Variants in RBFOX3 observed in about 807,000 individuals in gnomAD.
RBFOX3 encodes the protein RNA binding fox-1 homolog 3, also known as RNA binding protein fox-1 homolog 3.
RBFOX3 carries 17 observed loss-of-function variants against 48.7 expected under a neutral mutation model. That is an observed-to-expected ratio of 0.35 (90% confidence interval 0.24 to 0.52). The LOEUF (loss-of-function observed/expected upper bound fraction) is 0.52, where lower values mean the gene tolerates loss of function less well. RBFOX3 is among the 20% of genes least tolerant of loss of function. The pLI is 0.94. For missense variants in RBFOX3, 382 were observed against 497.5 expected, an observed-to-expected ratio of 0.77 and a Z score of 2.21; for synonymous variants, 212 against 209.5, an observed-to-expected ratio of 1.01 and a Z score of -0.10.
Position 79,095,529 on chromosome 17 carries a change from C to T in RBFOX3, c.982G>A (p.Ala328Thr), listed in dbSNP as rs1247421751. The change falls in exon 13 of 15, where the codon GCA becomes ACA. Residue 328 changes from alanine (A) to threonine (T), a missense_variant. By Grantham distance (58) the Ala-to-Thr change is moderately conservative. Transcript: ENST00000693108. The part of the protein sequence containing the change: ...YRYAQPAAAA[A>T]AYSDSYGRVY... ...CGGCCTCACCTGTCGCTGTAGGCTG[C>T]CGCCGCTGCAGCGGGCTGAGCGTAT... 2 of 1,551,128 alleles carry T rather than the reference C, an allele frequency of 1.3e-6. No homozygotes were observed. The highest frequency in any genetic ancestry group is 3.9e-5 in the Admixed American group (2 of 50,980).
chr17:79,201,951 T>C (rs1033472407), intron 4 of RBFOX3, among the ~76,000 whole-genome samples: 2 of 152,222 alleles, frequency 1.3e-5, no homozygotes, highest in Admixed American at 6.5e-5. Flanking sequence ...CTCAGCTTCA[T>C]GCTGACACCA....
chr17:79,635,617 T>C, the RBFOX3 span, among the ~76,000 whole-genome samples: 1 of 151,782 alleles, frequency 6.6e-6, no homozygotes. Flanking sequence ...ACAAACAACT[T>C]CTGTACTGGA....
At chr17:79,248,642 T>C (rs2063502755) in intron 3 of RBFOX3, among the ~76,000 whole-genome samples, 1 of 152,178 alleles carries the variant, frequency 6.6e-6, no homozygotes, top group Admixed American at 6.5e-5. Flanking sequence ...GTGCTTGGTG[T>C]CCCCCACAGT....
intron 1 of RBFOX3, among the ~76,000 whole-genome samples, chr17:79,497,619 A>C (rs2149687893): frequency 6.6e-6 from 1 of 152,356 alleles, no homozygotes; most frequent in Non-Finnish European, 1.5e-5. Flanking sequence ...AGAGGGCAGG[A>C]GTAAACACGA....
chr17:79,327,947 G>T (rs957307140), intron 2 of RBFOX3, among the ~76,000 whole-genome samples: 1 of 152,138 alleles, frequency 6.6e-6, no homozygotes, highest in Non-Finnish European at 1.5e-5. Flanking sequence ...ACCTACCTCG[G>T]CCTCCCAAAG....
At chr17:79,297,135 G>A (rs1172699707) in intron 3 of RBFOX3, among the ~76,000 whole-genome samples, 2 of 151,990 alleles carry the variant, frequency 1.3e-5, no homozygotes, top group African/African-American at 4.8e-5. Context: ...TCTGGAGCTT[G>A]GCAGAGCCTC....
intron 1 of RBFOX3, among the ~76,000 whole-genome samples, chr17:79,556,975 G>A (rs2091807091): frequency 6.6e-6 from 1 of 152,148 alleles, no homozygotes; most frequent in African/African-American, 2.4e-5. Flanking sequence ...TAGTCATGGT[G>A]GCTCATGCCT....
At position 79,106,808 on chromosome 17, in the gene RBFOX3, C is replaced by A; in HGVS notation, c.223-20G>T. On this transcript the variant is annotated intron_variant, in intron 5 of 14. Transcript: ENST00000693108. ...TGTCTGCTGCAGGGAGAGGACTGGGCTGTGGAGGCTGCCTCTGTGTGCGGG... is the reference window on the plus strand; with the variant it reads ...TGTCTGCTGCAGGGAGAGGACTGGGATGTGGAGGCTGCCTCTGTGTGCGGG... 1 of 1,494,664 alleles carries A rather than the reference C, an allele frequency of 6.7e-7. No individual in the cohort carries two copies. Among genetic ancestry groups the A allele is most frequent in the Non-Finnish European group, 8.9e-7 (1 of 1,127,896 alleles). 92.6% of individuals were successfully genotyped at this position (1,494,664 alleles called of 1,614,324 possible). A position where few individuals can be genotyped will look rare whatever the true frequency, so the allele number is the denominator to read the frequency against.
chr17:79,140,105 G>A (rs551206496), intron 4 of RBFOX3, among the ~76,000 whole-genome samples: 34 of 152,286 alleles, frequency 2.2e-4, no homozygotes, highest in Admixed American at 5.9e-4. Flanking sequence ...TAGCTCTCCC[G>A]CCCAGCAATG....
intron 12 of RBFOX3, among the ~76,000 whole-genome samples, chr17:79,096,386 T>C (rs1044363928): frequency 6.6e-6 from 1 of 152,154 alleles, no homozygotes; most frequent in Non-Finnish European, 1.5e-5. Flanking sequence ...TATGAGGCCT[T>C]GCCCACAGGA....
intron 1 of RBFOX3, among the ~76,000 whole-genome samples, chr17:79,589,212 C>T (rs2093347737): frequency 1.3e-5 from 2 of 152,168 alleles, no homozygotes; most frequent in Admixed American, 6.5e-5. Context: ...AATCCTCTTG[C>T]GCTGCGGCAG....
intron 1 of RBFOX3, among the ~76,000 whole-genome samples, chr17:79,580,256 C>G (rs1327386131): frequency 8.1e-6 from 1 of 123,822 alleles, no homozygotes; most frequent in Non-Finnish European, 1.7e-5. Context: ...TCCTCCTCCT[C>G]CCCCCGTCCT....
upstream of RBFOX3, among the ~76,000 whole-genome samples, chr17:79,612,958 C>G (rs2093980252): frequency 6.6e-6 from 1 of 152,204 alleles, no homozygotes; most frequent in Admixed American, 6.5e-5. Context: ...GGTCCAGACC[C>G]TACTGCCCTT....
chr17:79,110,041 G>A (rs997337220), intron 5 of RBFOX3, among the ~76,000 whole-genome samples: 7 of 151,964 alleles, frequency 4.6e-5, no homozygotes, highest in South Asian at 2.1e-4. Flanking sequence ...GCCCCAGGCC[G>A]GGGGATGGGG....
At chr17:79,653,282 G>C in the RBFOX3 span, among the ~76,000 whole-genome samples, 2 of 152,190 alleles carry the variant, frequency 1.3e-5, no homozygotes, top group African/African-American at 2.4e-5. Flanking sequence ...TAACCTGTGA[G>C]TGCCAGGGCA....
the RBFOX3 span, among the ~76,000 whole-genome samples, chr17:79,656,658 A>AG: frequency 1.4e-5 from 2 of 144,394 alleles, no homozygotes; most frequent in Non-Finnish European, 3.0e-5. Context: ...AAAGAAAGGA[A>AG]GAGAAGAAAG....
At chr17:79,328,739 G>A (rs2079735543) in intron 2 of RBFOX3, among the ~76,000 whole-genome samples, 1 of 152,192 alleles carries the variant, frequency 6.6e-6, no homozygotes, top group Non-Finnish European at 1.5e-5. Context: ...TCCACCCGGA[G>A]ACATTTGGCT....
rs975482866 is a variant in RBFOX3, at chr17:79,605,114, G to A, written c.-320+5712C>T. On this transcript the variant is annotated intron_variant, in intron 1 of 14. Coordinates refer to ENST00000693108, the MANE Select transcript of RBFOX3 (RefSeq NM_001350451.2). ...AACTCTGAATGCGCCCTTGGTTTGC[G>A]TGGCACACTGCCTCCACTACTGTAT... 4.6e-5 allele frequency among the ~76,000 whole-genome samples: 7 copies of A among 152,178 alleles called. No homozygotes were observed. In the South Asian group the frequency reaches 6.2e-4, roughly 14 times the overall value.
intron 4 of RBFOX3, among the ~76,000 whole-genome samples, chr17:79,192,881 C>T (rs373140465): frequency 5.3e-5 from 8 of 152,342 alleles, no homozygotes; most frequent in South Asian, 2.1e-4. Context: ...GCCCTGCACA[C>T]TCTCACTGGC....
Sources: gnomAD v4.1 joint callset for allele counts (sites outside exome capture counted in the v4.1 genomes callset) on GRCh38, gnomAD v4.1.1 for gene constraint, MANE v1.5 for transcripts, NCBI Gene and HGNC (gene_info 2026-07-23, HGNC 2026-07-21) for gene names.